The following BIRC6 variants were observed in gnomAD, a reference collection of about 807,000 sequenced individuals.
BIRC6 encodes the protein baculoviral IAP repeat containing 6, also known as dual E2 ubiquitin-conjugating enzyme/E3 ubiquitin-protein ligase BIRC6.
Under a neutral mutation model 503.3 loss-of-function variants are expected in BIRC6, and 98 were observed. That is an observed-to-expected ratio of 0.19 (90% CI 0.17 to 0.23). The LOEUF is 0.23. Ranked by LOEUF, BIRC6 falls within the 10% of genes least tolerant of loss-of-function variation. The probability of loss-of-function intolerance (pLI) is 1.00; values close to 1 mark genes in which losing one functional copy is unlikely to be tolerated. For synonymous variants in BIRC6, 2,240 were observed against 2,078.7 expected (o/e 1.08, Z -2.11); for missense variants, 5,360 against 5,806.0 (o/e 0.92, Z 2.50).
At chr2:32,380,488 A>G (rs535640969) in intron 3 of BIRC6, among the ~76,000 whole-genome samples, 198 bp downstream of exon 3, 1 of 152,252 alleles carries the variant, frequency 6.6e-6, no homozygotes, top group Non-Finnish European at 1.5e-5. Flanking sequence ...CAGCTGAGGG[A>G]GGCTGAGGCG....
At chr2:32,518,995 AT>A in intron 57 of BIRC6, 49 bp downstream of exon 57, 4 of 1,540,130 alleles carry the variant, frequency 2.6e-6, no homozygotes, top group Non-Finnish European at 3.6e-6. Context: ...TGTTTGATGT[AT>A]ATGGAGGTTT....
chr2:32,569,929 C>G (rs1023815766), intron 65 of BIRC6, among the ~76,000 whole-genome samples: 1 of 151,546 alleles, frequency 6.6e-6, no homozygotes, highest in Non-Finnish European at 1.5e-5. Context: ...TTTCCCTTGC[C>G]TGATTACTCT....
chr2:32,585,598 G>A (rs542100383), intron 66 of BIRC6, among the ~76,000 whole-genome samples: 3 of 152,148 alleles, frequency 2.0e-5, no homozygotes, highest in South Asian at 2.1e-4. Flanking sequence ...CAGGCTATTC[G>A]TGAACTCCTG....
chr2:32,380,301 A>G lies in BIRC6; in HGVS notation c.645+11A>G. ...CACAAAGTTGCTAAGGTAAGAAGTT[A>G]ATAGATTGCCTCTTTTGGGGTTATA... On this transcript the variant is annotated intron_variant, in intron 3 of 73. Coordinates refer to ENST00000421745, the MANE Select transcript of BIRC6 (RefSeq NM_016252.4). 1 of 1,582,986 alleles carries G rather than the reference A, an allele frequency of 6.3e-7. No homozygotes were observed. Among genetic ancestry groups the G allele is most frequent in the Middle Eastern group, 1.7e-4 (1 of 5,916 alleles).
chr2:32,615,801 AT>A (rs1209847142), intron 73 of BIRC6, among the ~76,000 whole-genome samples: 1 of 151,784 alleles, frequency 6.6e-6, no homozygotes, highest in African/African-American at 2.4e-5. Context: ...CACCCAGCTA[AT>A]TTTTGTATTT....
At chr2:32,553,318 T>C (rs557012298) in intron 65 of BIRC6, among the ~76,000 whole-genome samples, 28 of 151,902 alleles carry the variant, frequency 1.8e-4, no homozygotes, top group Admixed American at 7.9e-4. Flanking sequence ...TCCTACTCTT[T>C]TGACCTCTTT....
At chr2:32,447,365 G>A (rs1294536543) in intron 21 of BIRC6, among the ~76,000 whole-genome samples, 9 of 149,182 alleles carry the variant, frequency 6.0e-5, no homozygotes, top group East Asian at 2.0e-4. Context: ...GGATGGGGCG[G>A]CTGGCCGGGC....
At chr2:32,411,430 A>ATTTTTTTTTTTTTTTTTTT (rs71407450) in intron 9 of BIRC6, among the ~76,000 whole-genome samples, 1 of 139,014 alleles carries the variant, frequency 7.2e-6, no homozygotes, top group Non-Finnish European at 1.6e-5. Flanking sequence ...TTATTTTTTT[A>ATTTTTTTTTTTTTTTTTTT]TTTTTTTTTT....
chr2:32,420,210 T>C (rs2042790839), intron 10 of BIRC6, among the ~76,000 whole-genome samples: 1 of 152,204 alleles, frequency 6.6e-6, no homozygotes, highest in Admixed American at 6.5e-5. Context: ...TTGATATCAG[T>C]GTAATGCTTG....
At chr2:32,611,680 AAAG>A (rs1218757077) in intron 73 of BIRC6, 98 bp downstream of exon 73, 1 of 1,159,446 alleles carries the variant, frequency 8.6e-7, no homozygotes, top group African/African-American at 1.6e-5. Context: ...GGAGGGAATT[AAAG>A]AAACATAATA....
chr2:32,387,950 A>G (rs912148052), intron 3 of BIRC6, among the ~76,000 whole-genome samples: 17 of 152,228 alleles, frequency 1.1e-4, no homozygotes, highest in African/African-American at 4.1e-4. Context: ...GTATATATTT[A>G]TGAGGTATAA....
In BIRC6 at chr2:32,406,498, G is replaced by T. The variant is rs1200897383; in HGVS notation, c.1419-1G>T. 1 of 1,604,594 alleles carries T rather than the reference G, an allele frequency of 6.2e-7. No individual in the cohort carries two copies. The highest frequency in any genetic ancestry group is 8.5e-7 in the Non-Finnish European group (1 of 1,173,522). On this transcript the variant is annotated splice_acceptor_variant, in intron 8 of 73. Transcript: ENST00000421745. LOFTEE classifies it high-confidence loss of function. ...TTGTTTACTTTGTTTTTTGATTTAA[G>T]TGATGATTTACTGGAGGATTCAGAC...
At chr2:32,422,439 A>G (rs1029000042) in intron 10 of BIRC6, among the ~76,000 whole-genome samples, 15 of 152,086 alleles carry the variant, frequency 9.9e-5, no homozygotes, top group African/African-American at 2.9e-4. Context: ...GAAAATTTAC[A>G]TAACATTAGT....
intron 12 of BIRC6, among the ~76,000 whole-genome samples, chr2:32,433,057 T>C (rs1016632516): frequency 2.0e-5 from 3 of 152,154 alleles, no homozygotes; most frequent in Non-Finnish European, 2.9e-5. Flanking sequence ...GCTGATGTAT[T>C]GAACATATTG....
At chr2:32,578,221 C>T (rs1235990041) in intron 66 of BIRC6, among the ~76,000 whole-genome samples, 2 of 152,018 alleles carry the variant, frequency 1.3e-5, no homozygotes, top group Non-Finnish European at 2.9e-5. Flanking sequence ...TATTCTTTTC[C>T]AGTTGTCACA....
intron 73 of BIRC6, among the ~76,000 whole-genome samples, chr2:32,612,976 T>C (rs890986176): frequency 3.3e-5 from 5 of 152,174 alleles, no homozygotes; most frequent in African/African-American, 7.2e-5. Flanking sequence ...ATCAACCTTA[T>C]GCAGTTTGAC....
At chr2:32,510,223 C>T (rs2054261511) in intron 52 of BIRC6, among the ~76,000 whole-genome samples, 1 of 152,078 alleles carries the variant, frequency 6.6e-6, no homozygotes, top group African/African-American at 2.4e-5. Flanking sequence ...GGATTACAGG[C>T]ATCTGCCACC....
In BIRC6 at chr2:32,513,087, C is replaced by A. The variant is rs377475433; in HGVS notation, c.10501C>A (p.Leu3501Met). 1 of 1,613,902 alleles carries A rather than the reference C, an allele frequency of 6.2e-7. No individual in the cohort carries two copies. The highest frequency in any genetic ancestry group is 8.5e-7 in the Non-Finnish European group (1 of 1,179,856). Residue 3501 changes from leucine to methionine, a missense_variant, in exon 54 of 74, where the codon CTG becomes ATG. Physicochemically the swap from Leu to Met is conservative, Grantham distance 15 (BLOSUM62 2). This residue lies in a region of BIRC6 where 878 missense variants were observed against 928.9 expected (regional missense o/e 0.95). Coordinates refer to ENST00000421745, the MANE Select transcript of BIRC6 (RefSeq NM_016252.4). The part of the protein sequence containing the change: ...PSHLHCVAAI[L>M]WHSYELLVEY... ...TCATTTGCACTGTGTAGCAGCCATTCTGTGGCATAGTTATGAGCTGCTTGT... is the reference window on the plus strand; with the variant it reads ...TCATTTGCACTGTGTAGCAGCCATTATGTGGCATAGTTATGAGCTGCTTGT...
intron 22 of BIRC6, among the ~76,000 whole-genome samples, chr2:32,452,513 C>T (rs2046834893): frequency 6.6e-6 from 1 of 152,072 alleles, no homozygotes; most frequent in Non-Finnish European, 1.5e-5. Context: ...AACTGTTCCT[C>T]TAGGCATATT....
Sources: gnomAD v4.1 joint callset for allele counts (sites outside exome capture counted in the v4.1 genomes callset) on GRCh38, gnomAD v4.1.1 for gene constraint, gnomAD v4.1.1 regional missense constraint, MANE v1.5 for transcripts, NCBI Gene and HGNC (gene_info 2026-07-23, HGNC 2026-07-21) for gene names.